Variants in WWOX observed in about 807,000 individuals in gnomAD.
WWOX encodes the protein WW domain containing oxidoreductase, also known as WW domain-containing oxidoreductase.
A neutral mutation model predicts 46.2 loss-of-function variants in WWOX; 69 were observed. The observed-to-expected ratio is 1.49, with a 90% confidence interval of 1.23 to 1.82. WWOX has a LOEUF of 1.82. Among genes scored for constraint, WWOX ranks in the 40% most tolerant of loss-of-function variants. WWOX has a pLI of 0.00. For missense variants in WWOX, 919 were observed against 542.6 expected, an observed-to-expected ratio of 1.69 and a Z score of -6.89; for synonymous variants, 359 against 202.6, an observed-to-expected ratio of 1.77 and a Z score of -6.56.
At chr16:78,424,463 A>ATAAC (rs2083029142) in intron 6 of WWOX, among the ~76,000 whole-genome samples, 2 of 152,282 alleles carry the variant, frequency 1.3e-5, no homozygotes, top group African/African-American at 4.8e-5. Context: ...TTTATTAGTC[A>ATAAC]TAACTACTTT....
chr16:78,333,058 T>TTTTTTTTTTG (rs2080800264), intron 5 of WWOX, among the ~76,000 whole-genome samples: 1 of 125,994 alleles, frequency 7.9e-6, no homozygotes, highest in Non-Finnish European at 1.7e-5. Flanking sequence ...TTTTTTTTTT[T>TTTTTTTTTTG]TTTTTTTTTG....
At chr16:78,997,916 G>A (rs1216939931) in intron 8 of WWOX, among the ~76,000 whole-genome samples, 3 of 151,624 alleles carry the variant, frequency 2.0e-5, no homozygotes, top group Non-Finnish European at 4.4e-5. Context: ...CACCCTTATT[G>A]CCTAGGCTGG....
chr16:78,924,215 T>A (rs1164895474), intron 8 of WWOX, among the ~76,000 whole-genome samples: 6 of 152,122 alleles, frequency 3.9e-5, no homozygotes, highest in Non-Finnish European at 8.8e-5. Flanking sequence ...TGAAGCTTGG[T>A]CTTGAAGCTG....
At chr16:79,085,626 T>C (rs1323584334) in intron 8 of WWOX, among the ~76,000 whole-genome samples, 2 of 152,254 alleles carry the variant, frequency 1.3e-5, no homozygotes, top group Non-Finnish European at 2.9e-5. Context: ...AACCTGTTTC[T>C]CTATTTTGTT....
intron 8 of WWOX, among the ~76,000 whole-genome samples, chr16:78,883,759 C>T (rs544399974): frequency 9.2e-5 from 14 of 151,728 alleles, no homozygotes; most frequent in East Asian, 5.8e-4. Flanking sequence ...ATGCAATAAG[C>T]GTACCATGGT....
intron 4 of WWOX, among the ~76,000 whole-genome samples, chr16:78,157,277 A>G (rs1397459468): frequency 6.6e-6 from 1 of 152,126 alleles, no homozygotes; most frequent in Non-Finnish European, 1.5e-5. Context: ...AGCCTGATTG[A>G]TGGGGCAGAT....
chr16:78,501,296 T>A (rs559582791), intron 8 of WWOX, among the ~76,000 whole-genome samples: 87 of 151,288 alleles, frequency 5.8e-4, no homozygotes, highest in South Asian at 3.6e-3. Flanking sequence ...TTCAGATATC[T>A]TTGTTTGTGT....
chr16:78,524,015 C>T (rs1235102591), intron 8 of WWOX, among the ~76,000 whole-genome samples: 3 of 152,186 alleles, frequency 2.0e-5, no homozygotes, highest in Admixed American at 1.3e-4. Context: ...GACTCTGTTT[C>T]GTGTGGATCA....
intron 5 of WWOX, among the ~76,000 whole-genome samples, chr16:78,327,630 A>G (rs1204482870): frequency 6.6e-6 from 1 of 152,122 alleles, no homozygotes; most frequent in African/African-American, 2.4e-5. Flanking sequence ...CAGAGATTCC[A>G]CAATCTTCTA....
At chr16:78,882,677 A>G (rs553246087) in intron 8 of WWOX, among the ~76,000 whole-genome samples, 73 of 151,968 alleles carry the variant, frequency 4.8e-4, no homozygotes, top group Non-Finnish European at 8.1e-4. Flanking sequence ...TAGTAGAGAC[A>G]GGGGTTTCAC....
intron 8 of WWOX, among the ~76,000 whole-genome samples, chr16:79,013,548 C>G (rs1174931236): frequency 6.6e-6 from 1 of 152,194 alleles, no homozygotes; most frequent in Non-Finnish European, 1.5e-5. Context: ...AAAGCACACA[C>G]AATGATGGCC....
chr16:78,825,055 G>T (rs150459034), intron 8 of WWOX, among the ~76,000 whole-genome samples: 155 of 152,232 alleles, frequency 1.0e-3, no homozygotes, highest in African/African-American at 3.6e-3. Flanking sequence ...CAAGGCTAGG[G>T]GAAAATGGTA....
At chr16:78,776,705 C>T (rs548911496) in intron 8 of WWOX, among the ~76,000 whole-genome samples, 2 of 152,106 alleles carry the variant, frequency 1.3e-5, no homozygotes, top group South Asian at 2.1e-4. Flanking sequence ...TCTGCATGGT[C>T]GGGGAAGCCT....
chr16:78,815,932 C>T (rs559800943), intron 8 of WWOX, among the ~76,000 whole-genome samples: 1 of 152,312 alleles, frequency 6.6e-6, no homozygotes, highest in East Asian at 1.9e-4. Flanking sequence ...CATTCACTGG[C>T]CCTGCTCTCT....
chr16:78,853,369 A>G (rs996195735), intron 8 of WWOX, among the ~76,000 whole-genome samples: 1 of 152,086 alleles, frequency 6.6e-6, no homozygotes, highest in Non-Finnish European at 1.5e-5. Flanking sequence ...CATGCCACGA[A>G]GCCCGACTGA....
intron 8 of WWOX, among the ~76,000 whole-genome samples, chr16:78,880,433 C>T (rs1055707491): frequency 4.6e-5 from 7 of 152,138 alleles, no homozygotes; most frequent in African/African-American, 7.2e-5. Context: ...AATCCTCATT[C>T]GGTATACGAA....
intron 8 of WWOX, among the ~76,000 whole-genome samples, chr16:78,961,531 G>A (rs766427014): frequency 4.6e-5 from 7 of 151,966 alleles, no homozygotes; most frequent in Non-Finnish European, 8.8e-5. Flanking sequence ...GTGGTAGGTG[G>A]GTACATAGAT....
At chr16:78,429,795 C>G (rs2083175313) in intron 7 of WWOX, among the ~76,000 whole-genome samples, 1 of 152,254 alleles carries the variant, frequency 6.6e-6, no homozygotes, top group East Asian at 1.9e-4. Flanking sequence ...GATAGCTTTA[C>G]TGTAATGAAA....
intron 8 of WWOX, among the ~76,000 whole-genome samples, chr16:79,109,210 TC>T: frequency 6.6e-6 from 1 of 152,296 alleles, no homozygotes; most frequent in Admixed American, 6.5e-5. Flanking sequence ...CGAAACGTAT[TC>T]CTTTGTCCCT....
Sources: gnomAD v4.1 joint callset for allele counts (sites outside exome capture counted in the v4.1 genomes callset) on GRCh38, gnomAD v4.1.1 for gene constraint, MANE v1.5 for transcripts, NCBI Gene and HGNC (gene_info 2026-07-23, HGNC 2026-07-21) for gene names.